KLF13: variants seen among roughly 807,000 people sequenced by gnomAD.
KLF13 encodes KLF transcription factor 13.
Under a neutral mutation model 16.7 loss-of-function variants are expected in KLF13, and 8 were observed. That is an observed-to-expected ratio of 0.48 (90% CI 0.28 to 0.87). The LOEUF is 0.87. KLF13 is among the 40% of genes least tolerant of loss of function. KLF13 has a pLI of 0.10. For missense variants in KLF13, 447 were observed against 452.2 expected, an observed-to-expected ratio of 0.99 and a Z score of 0.10; for synonymous variants, 245 against 208.4, an observed-to-expected ratio of 1.18 and a Z score of -1.51.
In KLF13 at chr15:31,353,641, C is replaced by A. The variant is rs142990290; in HGVS notation, c.578-18369C>A. ...CCTCTTGCTAATTTTAGCTTCTGAT[C>A]ATTTCCACTCTTATCCTCCCCCCAA... is the stretch of plus-strand genomic sequence containing the variant. On this transcript the variant is annotated intron_variant, in intron 1 of 1. Transcript: ENST00000307145. Among the ~76,000 whole-genome samples the A allele has an allele frequency of 6.1e-3, 924 of 152,368 alleles. 7 individuals carry two copies. The highest frequency in any genetic ancestry group is 0.01 in the Non-Finnish European group (696 of 68,034).
intron 1 of KLF13, among the ~76,000 whole-genome samples, chr15:31,357,388 G>A (rs1400491365): frequency 1.3e-5 from 2 of 152,228 alleles, no homozygotes; most frequent in Non-Finnish European, 2.9e-5. Context: ...GATCCTTGAT[G>A]TCTGGTGACA....
At chr15:31,363,577 C>A (rs1057214271) in intron 1 of KLF13, among the ~76,000 whole-genome samples, 1 of 152,242 alleles carries the variant, frequency 6.6e-6, no homozygotes, top group African/African-American at 2.4e-5. Flanking sequence ...ACCTCTGCCT[C>A]CCACGCTCAA....
At chr15:31,360,194 T>TCTA (rs1239602783) in intron 1 of KLF13, among the ~76,000 whole-genome samples, 2 of 152,152 alleles carry the variant, frequency 1.3e-5, no homozygotes, top group African/African-American at 4.8e-5. Flanking sequence ...AGGGCCCTGT[T>TCTA]CTAGGTTAGG....
chr15:31,352,945 C>T (rs2039239219), intron 1 of KLF13, among the ~76,000 whole-genome samples: 1 of 152,060 alleles, frequency 6.6e-6, no homozygotes. Context: ...CGAGGCTGGA[C>T]CCACCTCCCC....
At chr15:31,367,781 G>A (rs2039498651) in intron 1 of KLF13, among the ~76,000 whole-genome samples, 1 of 152,300 alleles carries the variant, frequency 6.6e-6, no homozygotes, top group African/African-American at 2.4e-5. Flanking sequence ...CTGTGCTGAG[G>A]CCGGTCGTGC....
chr15:31,340,885 A>G (rs967086456), intron 1 of KLF13, among the ~76,000 whole-genome samples: 4 of 152,170 alleles, frequency 2.6e-5, no homozygotes, highest in Non-Finnish European at 5.9e-5. Context: ...AAAAGAAAAA[A>G]ATCTCAAGTC....
intron 1 of KLF13, among the ~76,000 whole-genome samples, chr15:31,385,822 A>G (rs1339140111): frequency 3.3e-5 from 5 of 152,238 alleles, no homozygotes; most frequent in African/African-American, 1.2e-4. Context: ...GAAGAGTCAC[A>G]GGTCTCTCAC....
chr15:31,331,195 C>T (rs759895172), intron 1 of KLF13, among the ~76,000 whole-genome samples: 18 of 152,236 alleles, frequency 1.2e-4, no homozygotes, highest in Non-Finnish European at 2.5e-4. Flanking sequence ...CATCTCTCTG[C>T]ATGCTGGGCC....
rs1325575405 is a variant in KLF13 at position 31,376,862 on chromosome 15, C to T, written c.*4563C>T. The stretch of plus-strand genomic sequence containing the variant: ...GCGGCCACCTGGCCCTGCCCTGCCT[C>T]TCTCTTTCTCATACAGCTTTAAAAC... On this transcript the variant is annotated 3_prime_UTR_variant, in exon 2 of 2. Transcript: ENST00000307145. 1 of 152,376 alleles carries T rather than the reference C, an allele frequency of 6.6e-6. No homozygotes were observed. The highest frequency in any genetic ancestry group is 1.5e-5 in the Non-Finnish European group (1 of 68,034). The allele number at this position is 152,376 out of a possible 1,614,324, so 9.4% of individuals were successfully genotyped here.
chr15:31,337,254 G>A (rs1055307412), intron 1 of KLF13, among the ~76,000 whole-genome samples: 4 of 152,154 alleles, frequency 2.6e-5, no homozygotes, highest in East Asian at 3.8e-4. Context: ...TCTTCCGCCC[G>A]CCTTACACGT....
chr15:31,343,161 T>C (rs984544559), intron 1 of KLF13, among the ~76,000 whole-genome samples: 1 of 152,198 alleles, frequency 6.6e-6, no homozygotes, highest in Admixed American at 6.5e-5. Context: ...CTGCTTTGAG[T>C]GACTGGGTGT....
intron 1 of KLF13, among the ~76,000 whole-genome samples, chr15:31,386,223 C>T (rs139211584): frequency 2.2e-4 from 34 of 152,314 alleles, no homozygotes; most frequent in East Asian, 1.2e-3. Context: ...TTAGGCTGGG[C>T]GCAGTGGCTC....
chr15:31,329,203 C>T (rs551663551), intron 1 of KLF13, among the ~76,000 whole-genome samples: 1 of 143,346 alleles, frequency 7.0e-6, no homozygotes, highest in Admixed American at 7.0e-5. Context: ...TGTGGGGGCT[C>T]AGGTTGGGGG....
At position 31,327,761 on chromosome 15, in the gene KLF13, C is replaced by T. The variant is rs373148635; in HGVS notation, c.549C>T (p.His183=). The change falls in exon 1 of 2, where the codon CAC becomes CAT. Residue 183 remains histidine, a synonymous_variant. Coordinates refer to ENST00000307145, the MANE Select transcript of KLF13 (RefSeq NM_015995.4). The part of the protein sequence containing the change: ...GCEKVYGKSS[H]LKAHLRTHTG... ...AGAAAGTTTACGGGAAATCTTCGCA[C>T]CTCAAGGCGCACCTGAGAACTCACA... 17 of 1,531,130 alleles carry T rather than the reference C, an allele frequency of 1.1e-5. No homozygotes were observed. The highest frequency in any genetic ancestry group is 5.4e-5 in the East Asian group (2 of 37,102). 94.8% of individuals were successfully genotyped at this position (1,531,130 alleles called of 1,614,324 possible).
chr15:31,369,400 A>G (rs2039522838), intron 1 of KLF13, among the ~76,000 whole-genome samples: 1 of 152,262 alleles, frequency 6.6e-6, no homozygotes, highest in Admixed American at 6.5e-5. Flanking sequence ...AGAATAAATA[A>G]TAGAGCATAG....
chr15:31,370,503 C>T (rs2039541902), intron 1 of KLF13, among the ~76,000 whole-genome samples: 1 of 151,900 alleles, frequency 6.6e-6, no homozygotes, highest in South Asian at 2.1e-4. Context: ...ACTGCAACCT[C>T]CACCTCCCAG....
intron 2 of KLF13, among the ~76,000 whole-genome samples, chr15:31,396,187 G>A (rs1041792490): frequency 3.9e-5 from 6 of 152,088 alleles, no homozygotes; most frequent in Admixed American, 6.5e-5. Flanking sequence ...TACCACGCCC[G>A]GCTAATTTTG....
chr15:31,426,013 G>A (rs1385012697), intron 1 of KLF13, among the ~76,000 whole-genome samples: 2 of 152,202 alleles, frequency 1.3e-5, no homozygotes, highest in Non-Finnish European at 2.9e-5. Context: ...TCTAGGGGCA[G>A]GAGCAAAATG....
At chr15:31,328,378 TAACCA>T (rs1200676612) in intron 1 of KLF13, among the ~76,000 whole-genome samples, 1 of 151,826 alleles carries the variant, frequency 6.6e-6, no homozygotes, top group Non-Finnish European at 1.5e-5. Flanking sequence ...TAATTTGTCG[TAACCA>T]AAGTCAGCGG....
Sources: allele counts gnomAD v4.1 joint callset (sites outside exome capture counted in the v4.1 genomes callset), GRCh38; gene constraint gnomAD v4.1.1; transcripts MANE v1.5; gene names NCBI Gene and HGNC (gene_info 2026-07-23, HGNC 2026-07-21).